DLG2: variants seen among roughly 807,000 people sequenced by gnomAD.
DLG2 encodes the protein discs large MAGUK scaffold protein 2.
In DLG2, 45 loss-of-function variants were observed where a neutral mutation model predicts 132.5. The ratio of observed to expected loss-of-function variants is 0.34; its 90% CI spans 0.27 to 0.44. The LOEUF (loss-of-function observed/expected upper bound fraction) is 0.44, where lower values mean the gene tolerates loss of function less well. Ranked by LOEUF, DLG2 falls within the 20% of genes least tolerant of loss-of-function variation. DLG2 has a pLI of 1.00. For missense variants in DLG2, 1,045 were observed against 1,196.9 expected, an observed-to-expected ratio of 0.87 and a Z score of 1.87; for synonymous variants, 424 against 419.6, an observed-to-expected ratio of 1.01 and a Z score of -0.13.
intron 6 of DLG2, among the ~76,000 whole-genome samples, chr11:84,702,726 G>T (rs114191775): frequency 6.6e-6 from 1 of 151,398 alleles, no homozygotes; most frequent in Non-Finnish European, 1.5e-5. Flanking sequence ...TTATATACAC[G>T]ATCTCCTATC....
At chr11:83,986,200 C>G in intron 11 of DLG2, among the ~76,000 whole-genome samples, 1 of 133,896 alleles carries the variant, frequency 7.5e-6, no homozygotes, top group African/African-American at 2.7e-5. Context: ...CTAAAGCTAT[C>G]CCTCCCCCCT....
At chr11:84,923,862 C>G (rs1341026928) in intron 6 of DLG2, among the ~76,000 whole-genome samples, 1 of 152,112 alleles carries the variant, frequency 6.6e-6, no homozygotes, top group East Asian at 1.9e-4. Flanking sequence ...TCTTTTAGAG[C>G]TATCTAAAGT....
intron 19 of DLG2, among the ~76,000 whole-genome samples, chr11:83,620,065 T>C (rs927435039): frequency 6.6e-6 from 1 of 152,310 alleles, no homozygotes; most frequent in Admixed American, 6.5e-5. Context: ...TCTCATTATG[T>C]TACCTGTGGA....
intron 5 of DLG2, among the ~76,000 whole-genome samples, chr11:85,150,256 G>A (rs971129981): frequency 1.3e-5 from 2 of 151,838 alleles, no homozygotes; most frequent in Non-Finnish European, 1.5e-5. Flanking sequence ...TCCTGACCTC[G>A]TGATCCGCCC....
chr11:83,869,866 T>C (rs1395034581), intron 16 of DLG2, among the ~76,000 whole-genome samples: 2 of 152,198 alleles, frequency 1.3e-5, no homozygotes, highest in African/African-American at 4.8e-5. Flanking sequence ...TAGAAAATTC[T>C]GCCATTAAGT....
chr11:84,123,065 A>G (rs903641729), intron 9 of DLG2, among the ~76,000 whole-genome samples: 2 of 152,336 alleles, frequency 1.3e-5, no homozygotes, highest in African/African-American at 4.8e-5. Context: ...GTCATGGACT[A>G]TGCTAGGTAC....
intron 11 of DLG2, among the ~76,000 whole-genome samples, chr11:84,050,286 T>G (rs2096341525): frequency 6.6e-6 from 1 of 151,716 alleles, no homozygotes; most frequent in African/African-American, 2.4e-5. Flanking sequence ...CCAGATAAGA[T>G]ATCAAGAATG....
At chr11:84,167,130 T>A in intron 8 of DLG2, 1 of 408,898 alleles carries the variant, frequency 2.4e-6, no homozygotes, top group Non-Finnish European at 5.0e-6. Context: ...TAGATTAAAC[T>A]TTTCAGTGTT....
intron 16 of DLG2, among the ~76,000 whole-genome samples, chr11:83,847,434 C>T (rs2154025520): frequency 6.6e-6 from 1 of 152,260 alleles, no homozygotes; most frequent in South Asian, 2.1e-4. Flanking sequence ...TTCAAACCCT[C>T]TACAATTAGT....
chr11:83,748,732 T>A (rs2093093357), intron 18 of DLG2, among the ~76,000 whole-genome samples: 1 of 152,188 alleles, frequency 6.6e-6, no homozygotes, highest in Non-Finnish European at 1.5e-5. Flanking sequence ...AGTATATAGT[T>A]TAAGGGTATC....
At chr11:85,412,484 C>A (rs1043620840) in intron 3 of DLG2, among the ~76,000 whole-genome samples, 3 of 151,622 alleles carry the variant, frequency 2.0e-5, no homozygotes, top group African/African-American at 7.3e-5. Context: ...GCAGTATACA[C>A]TGCACCATAT....
At chr11:83,640,452 C>T (rs1046240940) in intron 18 of DLG2, among the ~76,000 whole-genome samples, 1 of 152,112 alleles carries the variant, frequency 6.6e-6, no homozygotes, top group Non-Finnish European at 1.5e-5. Context: ...TACATCTATT[C>T]TTAGCAGAGC....
intron 3 of DLG2, among the ~76,000 whole-genome samples, chr11:85,520,941 G>A (rs1375036536): frequency 6.6e-6 from 1 of 152,090 alleles, no homozygotes; most frequent in Non-Finnish European, 1.5e-5. Flanking sequence ...AACTCTCCAG[G>A]ACATTTCTCT....
intron 7 of DLG2, among the ~76,000 whole-genome samples, chr11:84,462,316 A>G (rs1295512622): frequency 6.6e-6 from 1 of 151,032 alleles, no homozygotes. Context: ...ATCCTTAGAC[A>G]TTCTATTTGA....
intron 10 of DLG2, among the ~76,000 whole-genome samples, chr11:84,087,841 T>C (rs1239593757): frequency 6.6e-6 from 1 of 152,186 alleles, no homozygotes; most frequent in Non-Finnish European, 1.5e-5. Flanking sequence ...TTTATCTCAG[T>C]GAGTCTGATT....
At chr11:84,054,483 C>A (rs951912895) in intron 11 of DLG2, among the ~76,000 whole-genome samples, 2 of 151,994 alleles carry the variant, frequency 1.3e-5, no homozygotes, top group African/African-American at 2.4e-5. Context: ...GCAGACACCC[C>A]AGGTGCTTAC....
chr11:84,673,499 C>T (rs77193504), intron 6 of DLG2, among the ~76,000 whole-genome samples: 11,920 of 150,924 alleles, frequency 0.079, 629 homozygotes, highest in Non-Finnish European at 0.12. Context: ...TAAATAAGTG[C>T]CTACCATATA....
chr11:85,444,610 C>T (rs1265359975), intron 3 of DLG2, among the ~76,000 whole-genome samples: 1 of 152,194 alleles, frequency 6.6e-6, no homozygotes, highest in Non-Finnish European at 1.5e-5. Context: ...CTCCACAAGG[C>T]AACATGCATG....
At chr11:85,375,434 T>C (rs1387299928) in intron 3 of DLG2, among the ~76,000 whole-genome samples, 1 of 152,120 alleles carries the variant, frequency 6.6e-6, no homozygotes, top group Non-Finnish European at 1.5e-5. Context: ...ACCCCAGCAC[T>C]CTGGGAGGCT....
Sources: allele counts gnomAD v4.1 joint callset (sites outside exome capture counted in the v4.1 genomes callset), GRCh38; gene constraint gnomAD v4.1.1; transcripts MANE v1.5; gene names NCBI Gene and HGNC (gene_info 2026-07-23, HGNC 2026-07-21).